The following HCRTR2 variants were observed in gnomAD, a reference collection of about 807,000 sequenced individuals.
HCRTR2 encodes orexin receptor type 2.
A neutral mutation model predicts 49.0 loss-of-function variants in HCRTR2; 22 were observed. That is an observed-to-expected ratio of 0.45 (90% CI 0.32 to 0.64). The LOEUF (loss-of-function observed/expected upper bound fraction) is 0.64, where lower values mean the gene tolerates loss of function less well. Among genes scored for constraint, HCRTR2 ranks in the 30% least tolerant of loss-of-function variants. HCRTR2 has a pLI of 0.04. For synonymous variants in HCRTR2, 236 were observed against 205.3 expected, an observed-to-expected ratio of 1.15 and a Z score of -1.28; for missense variants, 491 against 559.4, an observed-to-expected ratio of 0.88 and a Z score of 1.23.
At chr6:55,189,141 T>A (rs1442535149) in intron 1 of HCRTR2, among the ~76,000 whole-genome samples, 1 of 152,164 alleles carries the variant, frequency 6.6e-6, no homozygotes, top group East Asian at 1.9e-4. Flanking sequence ...TGTGGGTATC[T>A]GGCCCAGTCT....
Position 55,174,696 on chromosome 6 carries a change from G to A in HCRTR2, c.109G>A (p.Glu37Lys), listed in dbSNP as rs372213161. 5 of 1,613,952 alleles carry A rather than the reference G, an allele frequency of 3.1e-6. No homozygotes were observed. Among genetic ancestry groups the A allele is most frequent in the Non-Finnish European group, 4.2e-6 (5 of 1,180,016 alleles). The change falls in exon 1 of 7, where the codon GAG (glutamate) becomes AAG (lysine). Residue 37 changes from glutamate (E) to lysine (K), a missense_variant. Transcript: ENST00000370862. The part of the protein sequence containing the change: ...PFLNPTDYDD[E>K]EFLRYLWREY... Reference sequence around the variant, plus strand: ...TTTAAACCCCACCGACTATGACGACGAGGAATTCCTGCGGTACCTGTGGAG... The same window carrying A: ...TTTAAACCCCACCGACTATGACGACAAGGAATTCCTGCGGTACCTGTGGAG...
chr6:55,153,013 C>A (rs1051241670), intron 1 of HCRTR2, among the ~76,000 whole-genome samples: 1 of 151,802 alleles, frequency 6.6e-6, no homozygotes, highest in African/African-American at 2.4e-5. Context: ...TTTCTAGGAG[C>A]TTATGGTCAT....
At chr6:55,169,197 C>T (rs1295873854) in intron 1 of HCRTR2, among the ~76,000 whole-genome samples, 1 of 151,608 alleles carries the variant, frequency 6.6e-6, no homozygotes, top group African/African-American at 2.4e-5. Flanking sequence ...CTATGCTCAA[C>T]ATAAGATAGG....
intron 1 of HCRTR2, among the ~76,000 whole-genome samples, chr6:55,113,457 A>G (rs1195055365): frequency 6.6e-6 from 1 of 152,042 alleles, no homozygotes; most frequent in Non-Finnish European, 1.5e-5. Context: ...ATCCCATCCA[A>G]AAGTGGGCTA....
intron 1 of HCRTR2, among the ~76,000 whole-genome samples, chr6:55,189,156 T>C (rs893691361): frequency 6.6e-6 from 1 of 152,212 alleles, no homozygotes; most frequent in African/African-American, 2.4e-5. Context: ...CAGTCTTGTC[T>C]GTAGTGTATT....
At chr6:55,156,960 A>G (rs1561989861) in intron 1 of HCRTR2, among the ~76,000 whole-genome samples, 1 of 152,164 alleles carries the variant, frequency 6.6e-6, no homozygotes, top group East Asian at 1.9e-4. Flanking sequence ...AAATCTCTGA[A>G]TATTTTCCCC....
rs189178301 is a variant in HCRTR2, at chr6:55,246,781, C to T, written c.224-1858C>T. The stretch of plus-strand genomic sequence containing the variant: ...CAGAGATATTAATGCTATTCACTTC[C>T]TAGTGTTATTATGATGAAACTAGTT... On this transcript the variant is annotated intron_variant, in intron 1 of 6. Coordinates refer to ENST00000370862, the MANE Select transcript of HCRTR2 (RefSeq NM_001384272.1). 3.3e-5 allele frequency among the ~76,000 whole-genome samples: 5 copies of T among 152,070 alleles called. No individual in the cohort carries two copies. The East Asian group carries it at 7.7e-4, about 23-fold the overall frequency.
intron 1 of HCRTR2, among the ~76,000 whole-genome samples, chr6:55,224,032 G>T (rs1280685953): frequency 2.0e-5 from 3 of 152,100 alleles, no homozygotes; most frequent in African/African-American, 7.2e-5. Context: ...TTTTTTCAAT[G>T]AGAGATTTTA....
At chr6:55,170,849 T>TG (rs1764939850), upstream of HCRTR2, among the ~76,000 whole-genome samples, 1 of 151,402 alleles carries the variant, frequency 6.6e-6, no homozygotes, top group Admixed American at 6.6e-5. Flanking sequence ...TTTTTGTCCT[T>TG]GCGATAGTTT....
At chr6:55,136,779 C>A (rs7757303) in intron 1 of HCRTR2, among the ~76,000 whole-genome samples, 4 of 152,080 alleles carry the variant, frequency 2.6e-5, no homozygotes, top group Non-Finnish European at 5.9e-5. Context: ...ATCTCAGTAG[C>A]TGGAACCTAC....
At position 55,248,616 on chromosome 6, in the gene HCRTR2, A is replaced by G. The variant is rs752753429; in HGVS notation, c.224-23A>G. 2.5e-6 allele frequency: 4 copies of G among 1,597,126 alleles called. No homozygotes were observed. The East Asian group carries it at 6.7e-5, about 27-fold the overall frequency. On this transcript the variant is annotated intron_variant, in intron 1 of 6. Transcript: ENST00000370862. ...TACCTATTTTCTTTGTTGAGTGCCT[A>G]TTCCTTTTTCTTTTCAAATTAGTTT...
intron 1 of HCRTR2, among the ~76,000 whole-genome samples, chr6:55,240,268 G>A (rs1392540047): frequency 7.1e-6 from 1 of 139,970 alleles, no homozygotes; most frequent in Non-Finnish European, 1.5e-5. Flanking sequence ...TGAGGCAGGA[G>A]AATGGCGTGA....
At chr6:55,277,249 G>T in intron 4 of HCRTR2, 131 bp from the exon 5 acceptor site, 2 of 737,026 alleles carry the variant, frequency 2.7e-6, no homozygotes, top group South Asian at 3.0e-5. Flanking sequence ...ATGCTCTGGA[G>T]AAACAGGCGC....
chr6:55,281,555 C>A (rs1366926252), intron 6 of HCRTR2, among the ~76,000 whole-genome samples: 1 of 152,178 alleles, frequency 6.6e-6, no homozygotes, highest in Non-Finnish European at 1.5e-5. Context: ...TAACTCAGTG[C>A]GTAGCTGAGG....
intron 1 of HCRTR2, among the ~76,000 whole-genome samples, chr6:55,156,639 G>T (rs1764734045): frequency 6.6e-6 from 1 of 151,364 alleles, no homozygotes; most frequent in Admixed American, 6.6e-5. Context: ...GGATGTTGAT[G>T]CAAAAATTTT....
At chr6:55,155,797 T>C (rs1764723396) in intron 1 of HCRTR2, among the ~76,000 whole-genome samples, 1 of 152,058 alleles carries the variant, frequency 6.6e-6, no homozygotes, top group Non-Finnish European at 1.5e-5. Flanking sequence ...GTTGGCTATC[T>C]TAGGAAATTC....
chr6:55,117,595 T>G (rs1275130161), intron 1 of HCRTR2, among the ~76,000 whole-genome samples: 4 of 151,620 alleles, frequency 2.6e-5, no homozygotes, highest in Non-Finnish European at 5.9e-5. Context: ...TGTTGAAACA[T>G]ATAATAAATT....
At chr6:55,184,007 A>C (rs549085378) in intron 1 of HCRTR2, among the ~76,000 whole-genome samples, 1 of 152,036 alleles carries the variant, frequency 6.6e-6, no homozygotes, top group Non-Finnish European at 1.5e-5. Context: ...AGCTCACTGC[A>C]ACCTCCGCCT....
chr6:55,174,342 G>T, upstream of HCRTR2: 1 of 542,928 alleles, frequency 1.8e-6, no homozygotes, highest in Non-Finnish European at 3.3e-6. Context: ...CTCCAGTGCC[G>T]GGTCCCTAGT....
Sources: gnomAD v4.1 joint callset for allele counts (sites outside exome capture counted in the v4.1 genomes callset) on GRCh38, gnomAD v4.1.1 for gene constraint, MANE v1.5 for transcripts, NCBI Gene and HGNC (gene_info 2026-07-23, HGNC 2026-07-21) for gene names.